CDH18: variants seen among roughly 807,000 people sequenced by gnomAD.
CDH18 encodes cadherin 18.
In CDH18, 31 loss-of-function variants were observed where a neutral mutation model predicts 67.9. The observed-to-expected ratio is 0.46, with a 90% CI of 0.34 to 0.62. CDH18 has a LOEUF of 0.62. Among genes scored for constraint, CDH18 ranks in the 20% least tolerant of loss-of-function variants. The probability of loss-of-function intolerance (pLI) is 0.01; values close to 1 mark genes in which losing one functional copy is unlikely to be tolerated. For missense variants in CDH18, 890 were observed against 975.5 expected, an observed-to-expected ratio of 0.91 and a Z score of 1.17; for synonymous variants, 362 against 347.2, an observed-to-expected ratio of 1.04 and a Z score of -0.48.
At chr5:19,936,306 G>A (rs1164937514) in intron 2 of CDH18, among the ~76,000 whole-genome samples, 1 of 151,128 alleles carries the variant, frequency 6.6e-6, no homozygotes, top group Admixed American at 6.6e-5. Flanking sequence ...AAGTTAAAGA[G>A]CACTTTCTTT....
intron 5 of CDH18, among the ~76,000 whole-genome samples, chr5:19,626,696 G>GAA (rs11426888): frequency 2.8e-5 from 4 of 145,374 alleles, no homozygotes; most frequent in East Asian, 2.0e-4. Context: ...GCAGATTAGT[G>GAA]AAAAAAAAAA....
intron 1 of CDH18, among the ~76,000 whole-genome samples, chr5:20,301,726 A>G (rs1379054825): frequency 1.3e-5 from 2 of 151,800 alleles, no homozygotes; most frequent in African/African-American, 4.8e-5. Flanking sequence ...CTCTACTAGT[A>G]ATGTAGAATA....
intron 5 of CDH18, among the ~76,000 whole-genome samples, chr5:19,642,731 G>C (rs1034052936): frequency 6.6e-6 from 1 of 151,948 alleles, no homozygotes; most frequent in Non-Finnish European, 1.5e-5. Context: ...AGAAAAAAAA[G>C]ATAGGGGGAA....
At chr5:19,515,292 T>C (rs574651395) in intron 10 of CDH18, among the ~76,000 whole-genome samples, 28 of 152,316 alleles carry the variant, frequency 1.8e-4, no homozygotes, top group African/African-American at 6.7e-4. Context: ...TGCCTCCAGC[T>C]TTGTTCTTTT....
chr5:19,725,853 G>A (rs568316190), intron 4 of CDH18, among the ~76,000 whole-genome samples: 2 of 152,250 alleles, frequency 1.3e-5, no homozygotes, highest in South Asian at 4.1e-4. Flanking sequence ...ACTGGGATTC[G>A]GGAAAGGGAA....
intron 2 of CDH18, among the ~76,000 whole-genome samples, chr5:19,867,070 C>T (rs1785630989): frequency 1.3e-5 from 2 of 152,084 alleles, no homozygotes; most frequent in African/African-American, 4.8e-5. Flanking sequence ...GCCTGGGCAA[C>T]AGAGCAAGAC....
intron 1 of CDH18, among the ~76,000 whole-genome samples, chr5:20,435,159 G>C (rs1749077283): frequency 6.6e-6 from 1 of 151,910 alleles, no homozygotes. Flanking sequence ...ATAACCTCAA[G>C]CTCAAATTCA....
intron 1 of CDH18, among the ~76,000 whole-genome samples, chr5:20,570,699 G>C (rs1208550461): frequency 2.0e-5 from 3 of 152,158 alleles, no homozygotes; most frequent in Non-Finnish European, 1.5e-5. Flanking sequence ...CTGGCTCAAG[G>C]ATGAAGGTAC....
intron 1 of CDH18, among the ~76,000 whole-genome samples, chr5:20,315,320 A>G (rs1342846062): frequency 1.3e-5 from 2 of 151,980 alleles, no homozygotes; most frequent in African/African-American, 4.8e-5. Flanking sequence ...TTCTATCATC[A>G]TTTGCAATAG....
At chr5:20,187,057 T>G (rs182601304) in intron 2 of CDH18, among the ~76,000 whole-genome samples, 138 of 151,932 alleles carry the variant, frequency 9.1e-4, no homozygotes, top group Non-Finnish European at 1.6e-3. Flanking sequence ...ATAAATACGG[T>G]ATGATTTTAA....
At chr5:19,485,714 A>G (rs1357013915) in intron 11 of CDH18, among the ~76,000 whole-genome samples, 1 of 152,240 alleles carries the variant, frequency 6.6e-6, no homozygotes, top group African/African-American at 2.4e-5. Context: ...CACAATGAAC[A>G]GAAGTCTTTA....
At chr5:20,156,163 A>C (rs190715049) in intron 2 of CDH18, among the ~76,000 whole-genome samples, 2 of 152,242 alleles carry the variant, frequency 1.3e-5, no homozygotes, top group Admixed American at 1.3e-4. Context: ...CCTCTAAGGA[A>C]AACAGCATGG....
chr5:20,116,345 T>A (rs1747910476), intron 2 of CDH18, among the ~76,000 whole-genome samples: 2 of 151,742 alleles, frequency 1.3e-5, no homozygotes, highest in Admixed American at 6.6e-5. Context: ...CCCCCATGTC[T>A]ACTAAAAAAT....
chr5:20,218,422 G>T (rs964965368), intron 2 of CDH18, among the ~76,000 whole-genome samples: 1 of 151,858 alleles, frequency 6.6e-6, no homozygotes, highest in Non-Finnish European at 1.5e-5. Flanking sequence ...ATGACCAGTG[G>T]GTAAATGAAG....
intron 1 of CDH18, among the ~76,000 whole-genome samples, chr5:20,509,452 G>A (rs1378587057): frequency 6.7e-6 from 1 of 148,590 alleles, no homozygotes; most frequent in Non-Finnish European, 1.5e-5. Context: ...CACCAGGCTG[G>A]AGTGCAGTGG....
intron 1 of CDH18, among the ~76,000 whole-genome samples, chr5:20,331,616 T>G (rs1739196938): frequency 6.6e-6 from 1 of 152,164 alleles, no homozygotes; most frequent in South Asian, 2.1e-4. Flanking sequence ...ACAGGAGCAC[T>G]TAGTTATAGA....
At chr5:19,936,131 A>T (rs1794232936) in intron 2 of CDH18, among the ~76,000 whole-genome samples, 1 of 151,286 alleles carries the variant, frequency 6.6e-6, no homozygotes, top group Non-Finnish European at 1.5e-5. Context: ...TAACACTGAA[A>T]GTTGCCTGTG....
At chr5:19,856,224 G>A (rs1284777090) in intron 2 of CDH18, among the ~76,000 whole-genome samples, 1 of 152,186 alleles carries the variant, frequency 6.6e-6, no homozygotes, top group East Asian at 1.9e-4. Context: ...CTCGATTCAA[G>A]ACCTACTAAA....
At chr5:20,420,038 T>C (rs1396798679) in intron 1 of CDH18, among the ~76,000 whole-genome samples, 1 of 151,184 alleles carries the variant, frequency 6.6e-6, no homozygotes, top group Non-Finnish European at 1.5e-5. Flanking sequence ...TGTGAATTTT[T>C]AGTACTCTTA....
Sources: allele counts gnomAD v4.1 joint callset (sites outside exome capture counted in the v4.1 genomes callset), GRCh38; gene constraint gnomAD v4.1.1; transcripts MANE v1.5; gene names NCBI Gene and HGNC (gene_info 2026-07-23, HGNC 2026-07-21).